MBD5: variants seen among roughly 807,000 people sequenced by gnomAD.
MBD5 encodes methyl-CpG binding domain protein 5, also known as methyl-CpG-binding domain protein 5.
In MBD5, 13 loss-of-function variants were observed where a neutral mutation model predicts 117.3. The ratio of observed to expected loss-of-function variants is 0.11; its 90% CI spans 0.07 to 0.18. The LOEUF (loss-of-function observed/expected upper bound fraction) is 0.18, where lower values mean the gene tolerates loss of function less well. Among genes scored for constraint, MBD5 ranks in the 10% least tolerant of loss-of-function variants. The pLI, the probability that MBD5 is intolerant of heterozygous loss-of-function variation, is 1.00. For synonymous variants in MBD5, 727 were observed against 766.4 expected (o/e 0.95, Z 0.85); for missense variants, 1,879 against 2,093.8 (o/e 0.90, Z 2.00).
intron 4 of MBD5, among the ~76,000 whole-genome samples, chr2:148,396,915 T>A (rs964489669): frequency 1.3e-5 from 2 of 152,200 alleles, no homozygotes; most frequent in African/African-American, 4.8e-5. Flanking sequence ...TAAATTTTTC[T>A]GCAAATTACA....
intron 2 of MBD5, among the ~76,000 whole-genome samples, chr2:148,209,846 A>C (rs1331670850): frequency 6.6e-6 from 1 of 152,110 alleles, no homozygotes; most frequent in African/African-American, 2.4e-5. Context: ...TCAGAGTGAG[A>C]ACTCACTTGT....
chr2:148,116,431 CAT>C (rs1370616112), intron 1 of MBD5, among the ~76,000 whole-genome samples: 2 of 152,116 alleles, frequency 1.3e-5, no homozygotes, highest in Non-Finnish European at 2.9e-5. Context: ...CAACAACAAA[CAT>C]GTGAAAACTA....
At chr2:148,222,461 C>A (rs1699712888) in intron 2 of MBD5, among the ~76,000 whole-genome samples, 1 of 151,892 alleles carries the variant, frequency 6.6e-6, no homozygotes, top group Non-Finnish European at 1.5e-5. Context: ...ATAATTTTCA[C>A]CATAGAGATC....
intron 1 of MBD5, among the ~76,000 whole-genome samples, chr2:148,127,624 G>A (rs1696935272): frequency 6.6e-6 from 1 of 152,070 alleles, no homozygotes. Context: ...TCTTTATTTA[G>A]TCTATCGTTG....
chr2:148,455,407 AGG>A (rs1706851713), intron 4 of MBD5, among the ~76,000 whole-genome samples: 1 of 152,194 alleles, frequency 6.6e-6, no homozygotes, highest in South Asian at 2.1e-4. Context: ...AGTCTTGATC[AGG>A]CATCAAACTT....
At position 148,483,689 on chromosome 2, in the gene MBD5, C is replaced by T; in HGVS notation, c.3098C>T (p.Pro1033Leu). 6.4e-7 allele frequency: 1 copy of T among 1,550,646 alleles called. No individual in the cohort carries two copies. The highest frequency in any genetic ancestry group is 8.7e-7 in the Non-Finnish European group (1 of 1,147,008). ...LPSLTQMTAP[P>L]DHLPSNQSDN... is the part of the protein sequence containing the mutation. ...TCATTAACACAGATGACAGCCCCACCAGACCATTTGCCAAGCAATCAGTCA... is the reference window on the plus strand; with the variant it reads ...TCATTAACACAGATGACAGCCCCACTAGACCATTTGCCAAGCAATCAGTCA... The change falls in exon 9 of 14, where the codon CCA becomes CTA. Residue 1033 changes from proline to leucine, a missense_variant. Physicochemically the swap from Pro to Leu is moderately conservative, Grantham distance 98. This residue lies in a region of MBD5 where 1,666 missense variants were observed against 1,792.2 expected (regional missense o/e 0.93). Transcript: ENST00000642680.
chr2:148,238,779 A>G (rs1019448679), intron 3 of MBD5, among the ~76,000 whole-genome samples: 2 of 151,980 alleles, frequency 1.3e-5, no homozygotes, highest in Non-Finnish European at 2.9e-5. Context: ...TATTACTTCA[A>G]TCTTTGCGTT....
chr2:148,490,774 C>T (rs559440837), intron 11 of MBD5, 180 bp downstream of exon 11: 18 of 730,046 alleles, frequency 2.5e-5, no homozygotes, highest in East Asian at 2.5e-4. Flanking sequence ...AACAAAATGT[C>T]GTATCAACAA....
chr2:148,269,090 A>C (rs2106333485), intron 3 of MBD5, among the ~76,000 whole-genome samples: 1 of 151,664 alleles, frequency 6.6e-6, no homozygotes, highest in Non-Finnish European at 1.5e-5. Context: ...TCTTTCTCTA[A>C]GATCATTGAA....
At chr2:148,237,967 G>A (rs769457451) in intron 3 of MBD5, among the ~76,000 whole-genome samples, 1 of 152,068 alleles carries the variant, frequency 6.6e-6, no homozygotes, top group Non-Finnish European at 1.5e-5. Flanking sequence ...TAACTGTGAG[G>A]ATTAAATGGA....
intron 1 of MBD5, among the ~76,000 whole-genome samples, chr2:148,141,831 G>A (rs561176870): frequency 6.6e-6 from 1 of 151,818 alleles, no homozygotes; most frequent in Admixed American, 6.6e-5. Flanking sequence ...AAAATTCAAG[G>A]CTGGGCACAG....
At chr2:148,075,964 A>G (rs139323962) in intron 1 of MBD5, among the ~76,000 whole-genome samples, 17 of 152,292 alleles carry the variant, frequency 1.1e-4, no homozygotes, top group Non-Finnish European at 1.9e-4. Flanking sequence ...AGTTTGCAAG[A>G]AATCAGGAGC....
intron 11 of MBD5, among the ~76,000 whole-genome samples, chr2:148,499,565 A>G (rs960271888): frequency 2.6e-5 from 4 of 152,230 alleles, no homozygotes. Flanking sequence ...TGATCGTACA[A>G]GAATACAAGA....
chr2:148,454,614 C>G (rs1271435825), intron 4 of MBD5, among the ~76,000 whole-genome samples: 1 of 151,918 alleles, frequency 6.6e-6, no homozygotes, highest in Non-Finnish European at 1.5e-5. Context: ...AATCGTAATA[C>G]TGGTTGCCTC....
At chr2:148,397,025 C>A (rs1037950317) in intron 4 of MBD5, among the ~76,000 whole-genome samples, 1 of 152,132 alleles carries the variant, frequency 6.6e-6, no homozygotes, top group Non-Finnish European at 1.5e-5. Flanking sequence ...CTTACATTGT[C>A]CTGAGGCCCC....
At chr2:148,313,051 A>T (rs1394438105) in intron 3 of MBD5, among the ~76,000 whole-genome samples, 1 of 152,056 alleles carries the variant, frequency 6.6e-6, no homozygotes, top group African/African-American at 2.4e-5. Flanking sequence ...CACCCGCTAG[A>T]TGCCAGCTGG....
At chr2:148,508,548 G>T (rs1394843460) in intron 12 of MBD5, among the ~76,000 whole-genome samples, 1 of 151,952 alleles carries the variant, frequency 6.6e-6, no homozygotes, top group East Asian at 1.9e-4. Flanking sequence ...AAGACTTAAA[G>T]GAATTTATTA....
rs1259344468 is a variant in MBD5 at position 148,281,727 on chromosome 2, C to T, written c.-680+48332C>T. On this transcript the variant is annotated intron_variant, in intron 3 of 13. Coordinates refer to ENST00000642680, the MANE Select transcript of MBD5 (RefSeq NM_001378120.1). ...CTTTTGTTTATCCCAATCATTGAGT[C>T]AGTGGGTGGATTGACTTAAGTTTTA... Among the ~76,000 whole-genome samples the T allele has an allele frequency of 2.0e-5, 3 of 152,150 alleles. No individual in the cohort carries two copies. In the East Asian group the frequency reaches 5.8e-4, roughly 29 times the overall value.
At chr2:148,060,866 A>G (rs1463947934) in intron 1 of MBD5, among the ~76,000 whole-genome samples, 2 of 152,072 alleles carry the variant, frequency 1.3e-5, no homozygotes, top group African/African-American at 4.8e-5. Flanking sequence ...CCATTTCACT[A>G]TCTGTTCATT....
Sources: gnomAD v4.1 joint callset for allele counts (sites outside exome capture counted in the v4.1 genomes callset) on GRCh38, gnomAD v4.1.1 for gene constraint, gnomAD v4.1.1 regional missense constraint, MANE v1.5 for transcripts, NCBI Gene and HGNC (gene_info 2026-07-23, HGNC 2026-07-21) for gene names.